The following ANGPTL6 variants were observed in gnomAD, a reference collection of about 807,000 sequenced individuals.
The protein encoded by ANGPTL6 is angiopoietin like 6.
In ANGPTL6, 45 loss-of-function variants were observed where a neutral mutation model predicts 47.4. That is an observed-to-expected ratio of 0.95 (90% CI 0.75 to 1.22). ANGPTL6 has a LOEUF of 1.22. ANGPTL6 is among the 50% of genes most tolerant of loss of function. ANGPTL6 has a pLI of 0.00. For synonymous variants in ANGPTL6, 290 were observed against 295.9 expected (o/e 0.98, Z 0.20); for missense variants, 698 against 669.4 (o/e 1.04, Z -0.47).
At chr19:10,100,831 G>A (rs73508826) in intron 1 of ANGPTL6, among the ~76,000 whole-genome samples, 22,848 of 152,034 alleles carry the variant, frequency 0.15, 1,874 homozygotes, top group East Asian at 0.3. Context: ...GACAGTCCCG[G>A]AGGTGGGGGA....
upstream of ANGPTL6, among the ~76,000 whole-genome samples, chr19:10,104,508 T>A (rs1383747790): frequency 6.6e-6 from 1 of 152,126 alleles, no homozygotes; most frequent in Non-Finnish European, 1.5e-5. Flanking sequence ...AGAGAATATA[T>A]TAAGTGAGAA....
intron 1 of ANGPTL6, among the ~76,000 whole-genome samples, chr19:10,099,830 T>C (rs2088637829): frequency 7.5e-6 from 1 of 132,492 alleles, no homozygotes; most frequent in Non-Finnish European, 1.6e-5. Context: ...TGTCTCTCCC[T>C]CTCTCTCTCT....
chr19:10,094,595 C>T, intron 3 of ANGPTL6, 163 bp downstream of exon 3: 1 of 874,338 alleles, frequency 1.1e-6, no homozygotes, highest in Non-Finnish European at 1.8e-6. Context: ...TCTTCTATTT[C>T]TTGTTTCTCC....
upstream of ANGPTL6, chr19:10,102,787 C>T (rs888064564): frequency 2.0e-6 from 2 of 983,508 alleles, no homozygotes; most frequent in African/African-American, 3.5e-5. Context: ...TTTAGCATTT[C>T]CCGAATGAGA....
chr19:10,092,513 A>G lies in ANGPTL6; in HGVS notation c.*76T>C. Reference sequence around the variant, plus strand: ...GGGACACATTGGCACTGAGCCACAAAGAAGGTGTGGCCAGAACAACTTGGG... The same window carrying G: ...GGGACACATTGGCACTGAGCCACAAGGAAGGTGTGGCCAGAACAACTTGGG... On this transcript the variant is annotated 3_prime_UTR_variant, in exon 6 of 6. Coordinates refer to ENST00000253109, the MANE Select transcript of ANGPTL6 (RefSeq NM_031917.3). 1 of 1,527,746 alleles carries G rather than the reference A, an allele frequency of 6.5e-7. No individual in the cohort carries two copies. The highest frequency in any genetic ancestry group is 8.8e-7 in the Non-Finnish European group (1 of 1,130,604). The allele number at this position is 1,527,746 out of a possible 1,614,324, so 94.6% of individuals were successfully genotyped here. A position where few individuals can be genotyped will look rare whatever the true frequency, so the allele number is the denominator to read the frequency against.
intron 1 of ANGPTL6, among the ~76,000 whole-genome samples, chr19:10,098,196 A>G (rs1303590285): frequency 6.6e-6 from 1 of 151,738 alleles, no homozygotes; most frequent in Non-Finnish European, 1.5e-5. Context: ...TTTTTAAACT[A>G]TTTTGTAAAT....
rs2088709131 is a variant in ANGPTL6 at position 10,102,573 on chromosome 19, A to G, written c.-16T>C. On this transcript the variant is annotated 5_prime_UTR_variant, in exon 1 of 6. Transcript: ENST00000253109. The stretch of plus-strand genomic sequence containing the variant: ...CTACCTTCCCACCCTCTCACCTCTG[A>G]TGCCCAAGACCCTGAATCCAGCGAA... 2.0e-6 allele frequency: 2 copies of G among 984,390 alleles called. No homozygotes were observed. The highest frequency in any genetic ancestry group is 1.7e-5 in the African/African-American group (1 of 57,174). 61.0% of individuals were successfully genotyped at this position (984,390 alleles called of 1,614,324 possible).
chr19:10,093,219 C>T lies in ANGPTL6; in HGVS notation c.1222+130G>A, dbSNP rs535015105. On this transcript the variant is annotated intron_variant, in intron 5 of 5. Transcript: ENST00000253109. ...AAAGTCCTGACCTTTGTTCTCTTGA[C>T]GGAATAAAAGCTTGCTTATCCTTAT... is the stretch of plus-strand genomic sequence containing the variant. 21 of 1,259,826 alleles carry T rather than the reference C, an allele frequency of 1.7e-5. 1 individual carries two copies. In the African/African-American group the frequency reaches 1.9e-4, roughly 12 times the overall value. The allele number at this position is 1,259,826 out of a possible 1,614,324, so 78.0% of individuals were successfully genotyped here.
At chr19:10,103,913 T>C (rs11085580), upstream of ANGPTL6, among the ~76,000 whole-genome samples, 3 of 150,338 alleles carry the variant, frequency 2.0e-5, no homozygotes, top group African/African-American at 4.8e-5. Flanking sequence ...GCCAAGATGG[T>C]GAAACCCCGT....
chr19:10,102,438 G>A lies in ANGPTL6; in HGVS notation c.-11+130C>T, dbSNP rs1235990531. 1.6e-5 allele frequency: 8 copies of A among 494,224 alleles called. No homozygotes were observed. The East Asian group carries it at 1.0e-3, about 65-fold the overall frequency. 30.6% of individuals were successfully genotyped at this position (494,224 alleles called of 1,614,324 possible). A position where few individuals can be genotyped will look rare whatever the true frequency, so the allele number is the denominator to read the frequency against. ...GCAACCCCCCAGAACTGGGACGTGT[G>A]TATAACACCCGCTGCCTTTTACACT... is the stretch of plus-strand genomic sequence containing the variant. On this transcript the variant is annotated intron_variant, in intron 1 of 5. Transcript: ENST00000253109.
At position 10,096,440 on chromosome 19, in the gene ANGPTL6, C is replaced by T; in HGVS notation, c.124G>A (p.Val42Met). ...VLPPQKFTGA[V>M]CWSGPASTRA... is the part of the protein sequence containing the mutation. ...GTGGATGCGGGGCCGCTCCAGCACA[C>T]AGCGCCCGTGAACTTCTGCGGGGGC... Residue 42 changes from valine (V) to methionine (M), a missense_variant, in exon 2 of 6, where the codon GTG (valine) becomes ATG (methionine). Val to Met is a conservative substitution (Grantham distance 21, BLOSUM62 1). Coordinates refer to ENST00000253109, the MANE Select transcript of ANGPTL6 (RefSeq NM_031917.3). 5 of 1,445,294 alleles carry T rather than the reference C, an allele frequency of 3.5e-6. No individual in the cohort carries two copies. The highest frequency in any genetic ancestry group is 4.5e-6 in the Non-Finnish European group (5 of 1,108,096). 89.5% of individuals were successfully genotyped at this position (1,445,294 alleles called of 1,614,324 possible).
intron 1 of ANGPTL6, among the ~76,000 whole-genome samples, chr19:10,101,910 C>T (rs796228036): frequency 6.8e-6 from 1 of 147,972 alleles, no homozygotes; most frequent in African/African-American, 2.5e-5. Context: ...TCGAGACCAT[C>T]CTGGCTAACA....
At position 10,096,142 on chromosome 19, in the gene ANGPTL6, T is replaced by TC. The variant is rs1199590330; in HGVS notation, c.421dup (p.Glu141GlyfsTer72). On this transcript the variant is annotated frameshift_variant, in exon 2 of 6. Coordinates refer to ENST00000253109, the MANE Select transcript of ANGPTL6 (RefSeq NM_031917.3). LOFTEE classifies it high-confidence loss of function. ...CTCGGCGGACGCGTTGAGCACGCGC[T>TC]CCCCGAGCAGCGCCAGCGCCGCGGC... The TC allele has an allele frequency of 7.2e-7, 1 of 1,384,676 alleles. No individual in the cohort carries two copies. The highest frequency in any genetic ancestry group is 9.4e-7 in the Non-Finnish European group (1 of 1,068,432). The allele number at this position is 1,384,676 out of a possible 1,614,324, so 85.8% of individuals were successfully genotyped here. A position where few individuals can be genotyped will look rare whatever the true frequency, so the allele number is the denominator to read the frequency against.
chr19:10,103,633 AATAATAAT>A (rs1420417673), upstream of ANGPTL6, among the ~76,000 whole-genome samples: 2 of 149,056 alleles, frequency 1.3e-5, no homozygotes, highest in Non-Finnish European at 3.0e-5. Flanking sequence ...ATAATAAATA[AATAATAAT>A]AAAGTGAGGA....
chr19:10,105,602 CAG>C (rs1368318896), upstream of ANGPTL6, among the ~76,000 whole-genome samples: 4 of 135,146 alleles, frequency 3.0e-5, no homozygotes, highest in Non-Finnish European at 4.5e-5. Context: ...GAGAAAGAGA[CAG>C]GGGGAAGACG....
chr19:10,101,667 G>GTGTGGTGGCC (rs1555756597), intron 1 of ANGPTL6, among the ~76,000 whole-genome samples: 25 of 151,474 alleles, frequency 1.7e-4, no homozygotes, highest in Non-Finnish European at 1.6e-4. Context: ...AATTAGCTGG[G>GTGTGGTGGCC]CATGGTAATG....
At chr19:10,103,954 G>GA (rs2088749675), upstream of ANGPTL6, among the ~76,000 whole-genome samples, 1 of 151,472 alleles carries the variant, frequency 6.6e-6, no homozygotes, top group South Asian at 2.1e-4. Flanking sequence ...TTTGCCGGGT[G>GA]TGGTGGCCCA....
upstream of ANGPTL6, among the ~76,000 whole-genome samples, chr19:10,103,047 G>A (rs746132866): frequency 5.9e-5 from 9 of 151,844 alleles, no homozygotes; most frequent in Non-Finnish European, 8.8e-5. Flanking sequence ...CACCTTTTAC[G>A]TATTTGATCC....
intron 2 of ANGPTL6, among the ~76,000 whole-genome samples, chr19:10,095,323 G>C (rs1023397610): frequency 1.6e-4 from 25 of 152,264 alleles, no homozygotes; most frequent in Admixed American, 1.2e-3. Context: ...GAGGTAGGAG[G>C]ATCGCTTGAA....
Sources: allele counts gnomAD v4.1 joint callset (sites outside exome capture counted in the v4.1 genomes callset), GRCh38; gene constraint gnomAD v4.1.1; transcripts MANE v1.5; gene names NCBI Gene and HGNC (gene_info 2026-07-23, HGNC 2026-07-21).